The following CDC27 variants were observed in gnomAD, a reference collection of about 807,000 sequenced individuals.
The protein encoded by CDC27 is cell division cycle 27.
A neutral mutation model predicts 109.7 loss-of-function variants in CDC27; 27 were observed. The ratio of observed to expected loss-of-function variants is 0.25; its 90% CI spans 0.18 to 0.34. The LOEUF (loss-of-function observed/expected upper bound fraction) is 0.34. Among genes scored for constraint, CDC27 ranks in the 10% least tolerant of loss-of-function variants. CDC27 has a pLI of 1.00. For missense variants in CDC27, 579 were observed against 960.2 expected (o/e 0.60, Z 5.25); for synonymous variants, 266 against 333.9 (o/e 0.80, Z 2.22).
At chr17:47,129,317 T>C (rs2062245363) in intron 16 of CDC27, 76 bp downstream of exon 16, 1 of 1,095,528 alleles carries the variant, frequency 9.1e-7, no homozygotes, top group Non-Finnish European at 1.3e-6. Flanking sequence ...TAAATAACTT[T>C]CAGTTTATTG....
At chr17:47,187,390 T>A (rs975260542) in intron 1 of CDC27, among the ~76,000 whole-genome samples, 3 of 152,128 alleles carry the variant, frequency 2.0e-5, no homozygotes, top group Admixed American at 1.3e-4. Flanking sequence ...AAACTCCATC[T>A]CCTGGGTTCA....
chr17:47,149,077 CAAAAAAA>C (rs71138591), intron 9 of CDC27, among the ~76,000 whole-genome samples: 25 of 66,900 alleles, frequency 3.7e-4, no homozygotes, highest in African/African-American at 1.4e-3. Context: ...GACTCTGTCT[CAAAAAAA>C]AAAAAAAAAA....
Position 47,138,775 on chromosome 17 carries a change from T to C in CDC27, c.1668A>G (p.Ser556=), listed in dbSNP as rs62075658. ...TTTTATCCATGTCTGTTAAGTCTTTTGACAGAACTGAAAGAGCAACATCTT... is the reference window on the plus strand; with the variant it reads ...TTTTATCCATGTCTGTTAAGTCTTTCGACAGAACTGAAAGAGCAACATCTT... ...LQKDVALSVL[S]KDLTDMDKNS... Residue 556 remains serine (S), a synonymous_variant, in exon 13 of 19, where the codon TCA becomes TCG. Transcript: ENST00000066544. The C allele has an allele frequency of 1.2e-6, 2 of 1,611,552 alleles. No homozygotes were observed. The highest frequency in any genetic ancestry group is 2.2e-5 in the South Asian group (2 of 90,928).
At chr17:47,153,807 G>C (rs1223419605) in intron 8 of CDC27, among the ~76,000 whole-genome samples, 3 of 152,120 alleles carry the variant, frequency 2.0e-5, no homozygotes, top group Non-Finnish European at 4.4e-5. Context: ...AGCCTCAGCA[G>C]GGCAGTGACT....
intron 4 of CDC27, among the ~76,000 whole-genome samples, chr17:47,169,664 T>C (rs1279070594): frequency 7.4e-6 from 1 of 134,790 alleles, no homozygotes; most frequent in Admixed American, 7.3e-5. Flanking sequence ...AAAAAAAAAA[T>C]AGAAACAAAC....
chr17:47,163,005 G>T (rs1351586603), intron 4 of CDC27, among the ~76,000 whole-genome samples: 1 of 152,128 alleles, frequency 6.6e-6, no homozygotes, highest in Non-Finnish European at 1.5e-5. Flanking sequence ...AGGGGACAAA[G>T]ATTTAAGAAA....
intron 9 of CDC27, among the ~76,000 whole-genome samples, chr17:47,149,994 C>T (rs2063106994): frequency 6.6e-6 from 1 of 152,002 alleles, no homozygotes; most frequent in South Asian, 2.1e-4. Context: ...TATAAAAAGA[C>T]AACTGACTGT....
At chr17:47,138,008 G>A (rs1167267167) in intron 13 of CDC27, among the ~76,000 whole-genome samples, 2 of 151,828 alleles carry the variant, frequency 1.3e-5, no homozygotes, top group Admixed American at 6.6e-5. Context: ...CCATGTTGCC[G>A]AGGCTGGTCT....
At chr17:47,160,169 G>C (rs1203053774) in intron 4 of CDC27, among the ~76,000 whole-genome samples, 1 of 151,506 alleles carries the variant, frequency 6.6e-6, no homozygotes, top group Non-Finnish European at 1.5e-5. Flanking sequence ...ATATCCCTGG[G>C]AACATATATA....
Position 47,134,714 on chromosome 17 carries a change from T to C in CDC27, c.1914-2340A>G, listed in dbSNP as rs543012046. On this transcript the variant is annotated intron_variant, in intron 14 of 18. Coordinates refer to ENST00000066544, the MANE Select transcript of CDC27 (RefSeq NM_001256.6). ...TGGTCTTGATCTCTTGACCTCATGA[T>C]TCGCCCATCTCAGCCTCCCAAAGTG... Among the ~76,000 whole-genome samples, 301 of 152,080 alleles carry C rather than the reference T, an allele frequency of 2.0e-3. 1 individual carries two copies. Among genetic ancestry groups the C allele is most frequent in the African/African-American group, 7.0e-3 (290 of 41,464 alleles).
chr17:47,181,254 C>CAAAAAAAAA (rs34104273), intron 2 of CDC27: 7 of 31,204 alleles, frequency 2.2e-4, no homozygotes, highest in Admixed American at 4.7e-4. Context: ...GACCCTGTTT[C>CAAAAAAAAA]AAAAAAAAAA....
chr17:47,155,856 G>C (rs1217863082), intron 7 of CDC27, among the ~76,000 whole-genome samples: 1 of 152,116 alleles, frequency 6.6e-6, no homozygotes, highest in African/African-American at 2.4e-5. Flanking sequence ...AGGAGTCTGA[G>C]GTGGGAGGAT....
At chr17:47,176,313 T>A (rs1160841435) in intron 2 of CDC27, among the ~76,000 whole-genome samples, 2 of 152,198 alleles carry the variant, frequency 1.3e-5, no homozygotes, top group Non-Finnish European at 2.9e-5. Context: ...TCAGAGTCAT[T>A]TCTACTGTTG....
At chr17:47,180,492 T>C (rs1054063659) in intron 2 of CDC27, among the ~76,000 whole-genome samples, 4 of 152,116 alleles carry the variant, frequency 2.6e-5, no homozygotes, top group Non-Finnish European at 5.9e-5. Flanking sequence ...CTTTGTCCTT[T>C]TGTGAAATTT....
At chr17:47,152,271 G>C (rs189321943) in intron 8 of CDC27, among the ~76,000 whole-genome samples, 103 of 151,856 alleles carry the variant, frequency 6.8e-4, no homozygotes, top group African/African-American at 2.4e-3. Flanking sequence ...AAAATTTTAA[G>C]ACAGCTAAAT....
At chr17:47,132,660 G>A (rs957462272) in intron 14 of CDC27, among the ~76,000 whole-genome samples, 5 of 150,550 alleles carry the variant, frequency 3.3e-5, no homozygotes, top group African/African-American at 1.2e-4. Context: ...TGAACTTCCG[G>A]GTTCAAAGAA....
At chr17:47,128,192 G>A (rs1312608359) in intron 16 of CDC27, among the ~76,000 whole-genome samples, 2 of 151,626 alleles carry the variant, frequency 1.3e-5, no homozygotes, top group Non-Finnish European at 2.9e-5. Context: ...CACCATGCCT[G>A]GCTAATTTTT....
intron 3 of CDC27, chr17:47,171,015 C>G (rs913799172): frequency 1.3e-5 from 2 of 152,108 alleles, no homozygotes; most frequent in Admixed American, 1.3e-4. Flanking sequence ...ATGGGAGGAT[C>G]GCTTAGGCCC....
intron 4 of CDC27, among the ~76,000 whole-genome samples, chr17:47,163,617 G>A (rs1338818392): frequency 6.6e-6 from 1 of 152,116 alleles, no homozygotes; most frequent in Non-Finnish European, 1.5e-5. Context: ...TTACATATAT[G>A]TATACATACA....
Sources: allele counts gnomAD v4.1 joint callset (sites outside exome capture counted in the v4.1 genomes callset), GRCh38; gene constraint gnomAD v4.1.1; transcripts MANE v1.5; gene names NCBI Gene and HGNC (gene_info 2026-07-23, HGNC 2026-07-21).